The following FHIT variants were observed in gnomAD, a reference collection of about 807,000 sequenced individuals.
FHIT encodes fragile histidine triad diadenosine triphosphatase.
A neutral mutation model predicts 17.9 loss-of-function variants in FHIT; 19 were observed. The observed-to-expected ratio is 1.06, with a 90% CI of 0.74 to 1.56. FHIT has a LOEUF of 1.56. Among genes scored for constraint, FHIT ranks in the 40% most tolerant of loss-of-function variants. The pLI is 0.00. For synonymous variants in FHIT, 81 were observed against 69.7 expected (o/e 1.16, Z -0.81); for missense variants, 248 against 189.2 (o/e 1.31, Z -1.82).
At chr3:60,866,200 G>A (rs1704152878) in intron 3 of FHIT, among the ~76,000 whole-genome samples, 2 of 152,194 alleles carry the variant, frequency 1.3e-5, no homozygotes, top group South Asian at 4.1e-4. Context: ...CACAAAAAGT[G>A]TAGAGGATGT....
chr3:60,771,538 G>C (rs1553723061), intron 4 of FHIT, among the ~76,000 whole-genome samples: 1 of 152,210 alleles, frequency 6.6e-6, no homozygotes, highest in Non-Finnish European at 1.5e-5. Flanking sequence ...TACTTCCTGA[G>C]AGGGGGGTCT....
At chr3:60,915,308 G>T (rs1344752208) in intron 3 of FHIT, among the ~76,000 whole-genome samples, 1 of 152,062 alleles carries the variant, frequency 6.6e-6, no homozygotes, top group Non-Finnish European at 1.5e-5. Context: ...TATAAAAGTG[G>T]GGAATGACAC....
At chr3:60,548,528 A>C (rs1004425461) in intron 4 of FHIT, among the ~76,000 whole-genome samples, 1 of 152,136 alleles carries the variant, frequency 6.6e-6, no homozygotes, top group Non-Finnish European at 1.5e-5. Flanking sequence ...TTACCTGAAA[A>C]CATTTCCATC....
At chr3:60,528,056 C>T (rs1416398213) in intron 5 of FHIT, among the ~76,000 whole-genome samples, 1 of 152,214 alleles carries the variant, frequency 6.6e-6, no homozygotes, top group African/African-American at 2.4e-5. Context: ...TTACTATAAC[C>T]TTGAACTCCT....
At chr3:61,216,549 C>A (rs2039681462) in intron 1 of FHIT, among the ~76,000 whole-genome samples, 1 of 152,154 alleles carries the variant, frequency 6.6e-6, no homozygotes, top group African/African-American at 2.4e-5. Flanking sequence ...GTTGGTGGGA[C>A]TGTAAACTAG....
chr3:60,183,442 T>A (rs1243146969), intron 5 of FHIT, among the ~76,000 whole-genome samples: 1 of 151,922 alleles, frequency 6.6e-6, no homozygotes, highest in Non-Finnish European at 1.5e-5. Flanking sequence ...ATAAAAGTGG[T>A]ATGATGGAGG....
At chr3:59,972,177 A>G (rs1428794086) in intron 7 of FHIT, among the ~76,000 whole-genome samples, 1 of 152,118 alleles carries the variant, frequency 6.6e-6, no homozygotes, top group Non-Finnish European at 1.5e-5. Context: ...TAGAGACAGA[A>G]TGTGCCCTGT....
intron 2 of FHIT, among the ~76,000 whole-genome samples, chr3:61,046,682 CA>C (rs2033804283): frequency 6.6e-6 from 1 of 152,052 alleles, no homozygotes; most frequent in East Asian, 1.9e-4. Context: ...GGCAGAGACA[CA>C]ACACAAAAAA....
intron 4 of FHIT, among the ~76,000 whole-genome samples, chr3:60,675,423 C>T (rs1198369034): frequency 2.0e-5 from 3 of 152,092 alleles, no homozygotes; most frequent in Non-Finnish European, 4.4e-5. Flanking sequence ...TGTCTCTGCC[C>T]GGGAACAAAA....
Position 59,788,881 on chromosome 3 carries a change from G to GTTTTTTTTTTTTGTTTTTT in FHIT, c.349-36561_349-36560insAAAAAACAAAAAAAAAAAA, listed in dbSNP as rs60361063. ...ACCACGTTCTTTGCTGAGTTCATAT[G>GTTTTTTTTTTTTGTTTTTT]TTTTTTTTTTTTACCCCATCTCCAA... On this transcript the variant is annotated intron_variant, in intron 8 of 9. Coordinates refer to ENST00000492590, the MANE Select transcript of FHIT (RefSeq NM_002012.4). 1.0e-4 allele frequency among the ~76,000 whole-genome samples: 9 copies of GTTTTTTTTTTTTGTTTTTT among 86,804 alleles called. 1 individual carries two copies. Among genetic ancestry groups the GTTTTTTTTTTTTGTTTTTT allele is most frequent in the African/African-American group, 2.3e-4 (5 of 21,836 alleles). 56.9% of individuals were successfully genotyped at this position (86,804 alleles called of 152,430 possible).
chr3:60,699,883 C>G (rs2041201872), intron 4 of FHIT, among the ~76,000 whole-genome samples: 1 of 151,860 alleles, frequency 6.6e-6, no homozygotes, highest in Non-Finnish European at 1.5e-5. Flanking sequence ...GTGGTTCACA[C>G]CTGTAATCCC....
chr3:60,439,054 T>C (rs1270053927), intron 5 of FHIT, among the ~76,000 whole-genome samples: 1 of 152,160 alleles, frequency 6.6e-6, no homozygotes, highest in Non-Finnish European at 1.5e-5. Flanking sequence ...AGTGATTGGC[T>C]TTATATTAGA....
chr3:60,001,635 G>C (rs993985689), intron 7 of FHIT, among the ~76,000 whole-genome samples: 3 of 152,124 alleles, frequency 2.0e-5, no homozygotes, highest in Non-Finnish European at 4.4e-5. Context: ...AAATGCTACA[G>C]GGGTGATTAA....
intron 7 of FHIT, among the ~76,000 whole-genome samples, chr3:59,998,710 G>T (rs969998215): frequency 6.6e-6 from 1 of 152,116 alleles, no homozygotes; most frequent in Non-Finnish European, 1.5e-5. Flanking sequence ...ACAGAGGGAA[G>T]GGTGGAAGGT....
chr3:60,112,513 C>T (rs915054825), intron 5 of FHIT, among the ~76,000 whole-genome samples: 1 of 152,176 alleles, frequency 6.6e-6, no homozygotes, highest in East Asian at 1.9e-4. Context: ...TGCAGGGAAC[C>T]TGGACATTGC....
At chr3:59,934,796 C>T (rs1203133253) in intron 7 of FHIT, among the ~76,000 whole-genome samples, 2 of 152,078 alleles carry the variant, frequency 1.3e-5, no homozygotes, top group Non-Finnish European at 2.9e-5. Flanking sequence ...CTCATGAGAA[C>T]TAACTCAGTA....
chr3:60,608,385 T>C (rs1346431417), intron 4 of FHIT, among the ~76,000 whole-genome samples: 1 of 152,158 alleles, frequency 6.6e-6, no homozygotes, highest in Non-Finnish European at 1.5e-5. Flanking sequence ...ACTGCTCAGA[T>C]GATATATGAC....
chr3:60,243,920 CAG>C (rs1399918140), intron 5 of FHIT, among the ~76,000 whole-genome samples: 1 of 152,048 alleles, frequency 6.6e-6, no homozygotes, highest in Non-Finnish European at 1.5e-5. Flanking sequence ...GCAGGGAGAA[CAG>C]AAATAATTTA....
chr3:60,792,923 A>T (rs534278302), intron 4 of FHIT, among the ~76,000 whole-genome samples: 2 of 151,586 alleles, frequency 1.3e-5, no homozygotes, highest in African/African-American at 4.9e-5. Context: ...TACATTAGCT[A>T]TGAGTAGCCG....
Sources: gnomAD v4.1 joint callset for allele counts (sites outside exome capture counted in the v4.1 genomes callset) on GRCh38, gnomAD v4.1.1 for gene constraint, MANE v1.5 for transcripts, NCBI Gene and HGNC (gene_info 2026-07-23, HGNC 2026-07-21) for gene names.